CATSPERT: variants seen among roughly 807,000 people sequenced by gnomAD.
CATSPERT encodes the protein cation channel sperm-associated targeting subunit tau.
At chr2:201,521,457 G>GAGAGAGAGAGAGAGAC in the CATSPERT span, among the ~76,000 whole-genome samples, 18 of 150,760 alleles carry the variant, frequency 1.2e-4, no homozygotes, top group African/African-American at 3.2e-4. Context: ...GAGAGAAAGA[G>GAGAGAGAGAGAGAGAC]ACACACAGAG....
the CATSPERT span, chr2:201,534,703 G>A: frequency 2.0e-6 from 2 of 982,514 alleles, no homozygotes; most frequent in Non-Finnish European, 2.4e-6. Context: ...TTTCTGGAGA[G>A]CAATTTGTTA....
At chr2:201,493,213 T>C in the CATSPERT span, 3 of 1,535,864 alleles carry the variant, frequency 2.0e-6, no homozygotes, top group Non-Finnish European at 2.6e-6. Context: ...ACTGAGATCA[T>C]TTTTGTCTTT....
chr2:201,560,957 A>G, the CATSPERT span, among the ~76,000 whole-genome samples: 1 of 151,868 alleles, frequency 6.6e-6, no homozygotes, highest in Non-Finnish European at 1.5e-5. Flanking sequence ...TAATTTTTGA[A>G]TTTTTAGTAG....
chr2:201,565,701 T>C, the CATSPERT span: 35 of 1,463,212 alleles, frequency 2.4e-5, no homozygotes, highest in African/African-American at 5.0e-5. Context: ...TTGAGCTCTT[T>C]TGAATTTTTT....
chr2:201,566,903 C>A, the CATSPERT span, among the ~76,000 whole-genome samples: 1 of 152,138 alleles, frequency 6.6e-6, no homozygotes, highest in Non-Finnish European at 1.5e-5. Flanking sequence ...ATTCACTTTT[C>A]ACAGCAAGCC....
the CATSPERT span, chr2:201,487,770 G>C: frequency 6.2e-7 from 1 of 1,614,096 alleles, no homozygotes; most frequent in Non-Finnish European, 8.5e-7. Context: ...GCAGTATATG[G>C]TCTTGCAGAG....
At chr2:201,524,747 T>C in the CATSPERT span, among the ~76,000 whole-genome samples, 5 of 152,134 alleles carry the variant, frequency 3.3e-5, no homozygotes, top group Non-Finnish European at 5.9e-5. Flanking sequence ...ATGACACCCA[T>C]AGGCTCAAAG....
the CATSPERT span, among the ~76,000 whole-genome samples, chr2:201,565,549 T>C: frequency 6.6e-6 from 1 of 152,040 alleles, no homozygotes; most frequent in Admixed American, 6.5e-5. Flanking sequence ...ACAAGATACC[T>C]AAATTGACAA....
chr2:201,492,203 G>A, the CATSPERT span: 1 of 1,520,004 alleles, frequency 6.6e-7, no homozygotes. Flanking sequence ...TTTTCTGAAT[G>A]CTTCTCCACA....
the CATSPERT span, chr2:201,487,990 CA>C: frequency 9.0e-7 from 1 of 1,105,928 alleles, no homozygotes. Flanking sequence ...CATGGATGGT[CA>C]AAAGAAAAAA....
the CATSPERT span, among the ~76,000 whole-genome samples, chr2:201,590,855 T>G: frequency 1.3e-5 from 2 of 151,552 alleles, no homozygotes; most frequent in Admixed American, 6.6e-5. Flanking sequence ...TAAATTTGTT[T>G]GAGTTCATTG....
chr2:201,536,312 A>T, the CATSPERT span: 1 of 1,590,978 alleles, frequency 6.3e-7, no homozygotes, highest in Admixed American at 1.7e-5. Context: ...CAGAATCATT[A>T]TCCAGTAACT....
At chr2:201,574,308 C>G in the CATSPERT span, 15 of 1,560,468 alleles carry the variant, frequency 9.6e-6, no homozygotes, top group Non-Finnish European at 1.2e-5. Context: ...ATTGTTTGAT[C>G]AGGATGATAT....
the CATSPERT span, among the ~76,000 whole-genome samples, chr2:201,600,876 C>T: frequency 6.6e-6 from 1 of 151,866 alleles, no homozygotes; most frequent in African/African-American, 2.4e-5. Flanking sequence ...CTCAGCCTCC[C>T]GAGTAGCTGG....
At chr2:201,491,848 T>C in the CATSPERT span, 1 of 1,537,020 alleles carries the variant, frequency 6.5e-7, no homozygotes, top group African/African-American at 1.4e-5. Context: ...GTCTTGAATC[T>C]CTGTTTTATG....
the CATSPERT span, among the ~76,000 whole-genome samples, chr2:201,528,844 C>T: frequency 1.3e-5 from 2 of 152,082 alleles, no homozygotes; most frequent in African/African-American, 4.8e-5. Flanking sequence ...AATTTGTACA[C>T]TAAGCCCCAG....
the CATSPERT span, chr2:201,537,514 C>T: frequency 6.9e-7 from 1 of 1,450,642 alleles, no homozygotes; most frequent in Non-Finnish European, 9.3e-7. Context: ...TTTTATTTTA[C>T]ATAAAAACAA....
chr2:201,558,013 T>C, the CATSPERT span: 1 of 152,238 alleles, frequency 6.6e-6, no homozygotes, highest in Non-Finnish European at 1.5e-5. Context: ...TGCCTTTTCT[T>C]ACAGGCTTCT....
chr2:201,581,659 A>G, the CATSPERT span, among the ~76,000 whole-genome samples: 1 of 141,512 alleles, frequency 7.1e-6, no homozygotes, highest in Non-Finnish European at 1.5e-5. Flanking sequence ...CCCAGGCTGG[A>G]GTGCAATGGT....
Sources: allele counts gnomAD v4.1 joint callset (sites outside exome capture counted in the v4.1 genomes callset), GRCh38; gene constraint gnomAD v4.1.1; transcripts MANE v1.5; gene names NCBI Gene and HGNC (gene_info 2026-07-23, HGNC 2026-07-21).